The following OR2AP1 variants were observed in gnomAD, a reference collection of about 807,000 sequenced individuals.
The protein encoded by OR2AP1 is olfactory receptor 2AP1.
OR2AP1 carries 20 observed loss-of-function variants against 13.9 expected under a neutral mutation model. The observed-to-expected ratio is 1.44, with a 90% confidence interval of 1.01 to 2.09. The LOEUF (loss-of-function observed/expected upper bound fraction) is 2.09, where lower values mean the gene tolerates loss of function less well. Ranked by LOEUF, OR2AP1 falls within the 30% of genes most tolerant of loss-of-function variation. The probability of loss-of-function intolerance (pLI) is 0.00; values close to 1 mark genes in which losing one functional copy is unlikely to be tolerated. For missense variants in OR2AP1, 490 were observed against 360.6 expected (o/e 1.36, Z -2.91); for synonymous variants, 174 against 137.0 (o/e 1.27, Z -1.89).
At position 55,575,105 on chromosome 12, in the gene OR2AP1, C is replaced by A. The variant is rs763147289; in HGVS notation, c.691C>A (p.Gln231Lys). 6 of 1,583,438 alleles carry A rather than the reference C, an allele frequency of 3.8e-6. No homozygotes were observed. Among genetic ancestry groups the A allele is most frequent in the African/African-American group, 2.7e-5 (2 of 74,340 alleles). Residue 231 changes from glutamine to lysine, a missense_variant, in exon 2 of 2, where the codon CAA becomes AAA. Gln to Lys is a moderately conservative substitution (Grantham distance 53). Coordinates refer to ENST00000641114, the MANE Select transcript of OR2AP1 (RefSeq NM_001258285.2). ...KTILKLPSAQQRTKAFSTCSS... is the reference protein window; with the variant it reads ...KTILKLPSAQKRTKAFSTCSS... Reference sequence around the variant, plus strand: ...TATTCTGAAGCTCCCCTCTGCCCAACAAAGGACAAAAGCCTTTTCCACATG... The same window carrying A: ...TATTCTGAAGCTCCCCTCTGCCCAAAAAAGGACAAAAGCCTTTTCCACATG...
chr12:55,575,460 A>G lies in OR2AP1; in HGVS notation c.*116A>G. On this transcript the variant is annotated 3_prime_UTR_variant, in exon 2 of 2. Transcript: ENST00000641114. ...AAAATATGGCACATATACACCATGG[A>G]ATACTATGCAGCCATTAAAAATGAT... 1.7e-6 allele frequency: 1 copy of G among 602,532 alleles called. No homozygotes were observed. The highest frequency in any genetic ancestry group is 2.9e-6 in the Non-Finnish European group (1 of 344,502). The allele number at this position is 602,532 out of a possible 1,614,324, so 37.3% of individuals were successfully genotyped here. A position where few individuals can be genotyped will look rare whatever the true frequency, so the allele number is the denominator to read the frequency against.
chr12:55,574,033 G>A (rs1182095558), intron 1 of OR2AP1, among the ~76,000 whole-genome samples, 187 bp from the exon 2 acceptor site: 1 of 152,182 alleles, frequency 6.6e-6, no homozygotes, highest in Non-Finnish European at 1.5e-5. Flanking sequence ...GGATCAATGA[G>A]AAATAAAGTT....
Position 55,574,332 on chromosome 12 carries a change from C to A in OR2AP1, c.-83C>A. On this transcript the variant is annotated 5_prime_UTR_variant, in exon 2 of 2. Coordinates refer to ENST00000641114, the MANE Select transcript of OR2AP1 (RefSeq NM_001258285.2). ...TCATTTTTTTCTTGTCAGACTTCAT[C>A]CGTTCATTTCAGAGCACCTCTTCCT... 1 of 690,782 alleles carries A rather than the reference C, an allele frequency of 1.4e-6. No homozygotes were observed. Among genetic ancestry groups the A allele is most frequent in the Non-Finnish European group, 2.4e-6 (1 of 416,624 alleles). The allele number at this position is 690,782 out of a possible 1,614,324, so 42.8% of individuals were successfully genotyped here.
In OR2AP1 at chr12:55,574,683, T is replaced by C. The variant is rs1874511289; in HGVS notation, c.269T>C (p.Ile90Thr). The change falls in exon 2 of 2, where the codon ATC (isoleucine) becomes ACC (threonine). Residue 90 changes from isoleucine (I) to threonine (T), a missense_variant. Ile to Thr is a moderately conservative substitution (Grantham distance 89). Coordinates refer to ENST00000641114, the MANE Select transcript of OR2AP1 (RefSeq NM_001258285.2). ...LISITTGNKS[I>T]SFAGCFTQYF... ...AGCATCACAACAGGGAACAAGAGTA[T>C]CAGCTTTGCTGGCTGCTTCACTCAG... 6 of 1,553,116 alleles carry C rather than the reference T, an allele frequency of 3.9e-6. No homozygotes were observed. Among genetic ancestry groups the C allele is most frequent in the Non-Finnish European group, 5.2e-6 (6 of 1,150,576 alleles).
Position 55,575,146 on chromosome 12 carries a change from T to C in OR2AP1, c.732T>C (p.Ile244=). 6.2e-7 allele frequency: 1 copy of C among 1,601,714 alleles called. No individual in the cohort carries two copies. The highest frequency in any genetic ancestry group is 2.2e-5 in the East Asian group (1 of 44,716). ...KAFSTCSSHM[I]VISLSYGSCM... is the part of the protein sequence containing the mutation. The stretch of plus-strand genomic sequence containing the variant: ...TTTCCACATGTTCTTCCCACATGAT[T>C]GTCATCTCCCTCTCTTACGGAAGCT... Residue 244 remains isoleucine, a synonymous_variant, in exon 2 of 2, where the codon ATT becomes ATC. Coordinates refer to ENST00000641114, the MANE Select transcript of OR2AP1 (RefSeq NM_001258285.2).
Position 55,574,221 on chromosome 12 carries a change from G to T in OR2AP1, c.-194G>T. The T allele has an allele frequency of 1.8e-6, 1 of 569,220 alleles. No homozygotes were observed. Among genetic ancestry groups the T allele is most frequent in the Non-Finnish European group, 3.1e-6 (1 of 323,554 alleles). The allele number at this position is 569,220 out of a possible 1,614,324, so 35.3% of individuals were successfully genotyped here. A position where few individuals can be genotyped will look rare whatever the true frequency, so the allele number is the denominator to read the frequency against. ...AATGACAAGAACTTTCCTCCATAGG[G>T]CAAATGGGACTGGGAAGGATCCAAC... is the stretch of plus-strand genomic sequence containing the variant. On this transcript the variant is annotated splice_region_variant and 5_prime_UTR_variant, in exon 2 of 2. Transcript: ENST00000641114.
In OR2AP1 at chr12:55,575,068, C is replaced by A. The variant is rs960091922; in HGVS notation, c.654C>A (p.Phe218Leu). The A allele has an allele frequency of 1.9e-6, 3 of 1,549,222 alleles. No homozygotes were observed. Among genetic ancestry groups the A allele is most frequent in the Non-Finnish European group, 2.6e-6 (3 of 1,152,284 alleles). Reference protein sequence around the residue: ...TLVLVILSYAFIIKTILKLPS... With the variant: ...TLVLVILSYALIIKTILKLPS... ...TGCTAGTGATTCTCTCCTATGCATTCATTATCAAGACTATTCTGAAGCTCC... is the reference window on the plus strand; with the variant it reads ...TGCTAGTGATTCTCTCCTATGCATTAATTATCAAGACTATTCTGAAGCTCC... Residue 218 changes from phenylalanine (F) to leucine (L), a missense_variant, in exon 2 of 2, where the codon TTC (phenylalanine) becomes TTA (leucine). Coordinates refer to ENST00000641114, the MANE Select transcript of OR2AP1 (RefSeq NM_001258285.2).
chr12:55,573,956 G>A (rs907160292), intron 1 of OR2AP1, among the ~76,000 whole-genome samples: 4 of 152,076 alleles, frequency 2.6e-5, no homozygotes, highest in African/African-American at 9.7e-5. Context: ...AAAAAAGGTA[G>A]GGAAGAGTAA....
Position 55,575,424 on chromosome 12 carries a change from A to G in OR2AP1, c.*80A>G, listed in dbSNP as rs574276074. 1.1e-4 allele frequency: 78 copies of G among 740,784 alleles called. No homozygotes were observed. Among genetic ancestry groups the G allele is most frequent in the South Asian group, 1.0e-3 (53 of 52,248 alleles). 45.9% of individuals were successfully genotyped at this position (740,784 alleles called of 1,614,324 possible). ...CAACCCAAATGTCCAACAATGATAG[A>G]CTGGATTAAGAAAATATGGCACATA... On this transcript the variant is annotated 3_prime_UTR_variant, in exon 2 of 2. Coordinates refer to ENST00000641114, the MANE Select transcript of OR2AP1 (RefSeq NM_001258285.2).
intron 1 of OR2AP1, among the ~76,000 whole-genome samples, chr12:55,573,904 G>A (rs11171570): frequency 0.052 from 7,892 of 151,928 alleles, 255 homozygotes; most frequent in South Asian, 0.11. Flanking sequence ...AATTAAGGAA[G>A]CTGAACCTGA....
In OR2AP1 at chr12:55,574,507, T is replaced by G. The variant is rs1028353169; in HGVS notation, c.93T>G (p.Leu31=). 2.0e-6 allele frequency: 3 copies of G among 1,536,888 alleles called. No individual in the cohort carries two copies. The highest frequency in any genetic ancestry group is 2.6e-6 in the Non-Finnish European group (3 of 1,146,656). Residue 31 remains leucine, a synonymous_variant, in exon 2 of 2, where the codon CTT becomes CTG. Transcript: ENST00000641114. ...TGGCAGTTTTCACCTTTCTTTTCCTTGCGTATTTACTCAGCATCCTTGGAA... is the reference window on the plus strand; with the variant it reads ...TGGCAGTTTTCACCTTTCTTTTCCTGGCGTATTTACTCAGCATCCTTGGAA... ...LQVAVFTFLF[L]AYLLSILGNL...
Position 55,574,737 on chromosome 12 carries a change from CAG to C in OR2AP1, c.326_327del (p.Glu109ValfsTer10). 6.3e-7 allele frequency: 1 copy of C among 1,587,044 alleles called. No individual in the cohort carries two copies. The highest frequency in any genetic ancestry group is 8.6e-7 in the Non-Finnish European group (1 of 1,165,792). ...TTCTTTGCCATGTTCCTTGGGGCTA[CAG>C]AGTTTTACCTTCTGGCTGCCATGTC... On this transcript the variant is annotated frameshift_variant, in exon 2 of 2. Transcript: ENST00000641114. LOFTEE classifies it high-confidence loss of function.
In OR2AP1 at chr12:55,575,582, C is replaced by G. The variant is rs1046395928; in HGVS notation, c.*238C>G. 2 of 332,550 alleles carry G rather than the reference C, an allele frequency of 6.0e-6. No individual in the cohort carries two copies. The highest frequency in any genetic ancestry group is 1.1e-5 in the Non-Finnish European group (2 of 175,318). 20.6% of individuals were successfully genotyped at this position (332,550 alleles called of 1,614,324 possible). On this transcript the variant is annotated 3_prime_UTR_variant, in exon 2 of 2. Transcript: ENST00000641114. ...AAAAACCGAACACCACATATTCTCA[C>G]TCATAGGTGGGAACTGAACAATGAG...
In OR2AP1 at chr12:55,575,354, G is replaced by T. The variant is rs1278568069; in HGVS notation, c.*10G>T. The T allele has an allele frequency of 9.7e-6, 14 of 1,439,634 alleles. No individual in the cohort carries two copies. Among genetic ancestry groups the T allele is most frequent in the Non-Finnish European group, 1.2e-5 (13 of 1,076,992 alleles). 89.2% of individuals were successfully genotyped at this position (1,439,634 alleles called of 1,614,324 possible). ...GCTTCTGAATCTTTAAAGAATTTAAGAATTATGCATCGCGACATTATTCAC... is the reference window on the plus strand; with the variant it reads ...GCTTCTGAATCTTTAAAGAATTTAATAATTATGCATCGCGACATTATTCAC... On this transcript the variant is annotated 3_prime_UTR_variant, in exon 2 of 2. Coordinates refer to ENST00000641114, the MANE Select transcript of OR2AP1 (RefSeq NM_001258285.2).
At chr12:55,573,600 T>C (rs1014556294) in intron 1 of OR2AP1, among the ~76,000 whole-genome samples, 1 of 152,186 alleles carries the variant, frequency 6.6e-6, no homozygotes, top group African/African-American at 2.4e-5. Flanking sequence ...AGATCCCTGG[T>C]TTAAAAGTTC....
At chr12:55,573,706 G>A (rs917049886) in intron 1 of OR2AP1, among the ~76,000 whole-genome samples, 4 of 152,168 alleles carry the variant, frequency 2.6e-5, no homozygotes, top group Non-Finnish European at 4.4e-5. Context: ...TAAAGATTCT[G>A]AATGTGTTTG....
At chr12:55,573,308 AGCT>A (rs768060017) in intron 1 of OR2AP1, among the ~76,000 whole-genome samples, 17 of 152,170 alleles carry the variant, frequency 1.1e-4, no homozygotes, top group Non-Finnish European at 1.9e-4. Context: ...AATGCTTTAA[AGCT>A]GCTGCCTTAT....
Position 55,575,564 on chromosome 12 carries a change from G to A in OR2AP1, c.*220G>A, listed in dbSNP as rs895175515. On this transcript the variant is annotated 3_prime_UTR_variant, in exon 2 of 2. Coordinates refer to ENST00000641114, the MANE Select transcript of OR2AP1 (RefSeq NM_001258285.2). Reference sequence around the variant, plus strand: ...TAAACTATCACAAGAACAAAAAACCGAACACCACATATTCTCACTCATAGG... The same window carrying A: ...TAAACTATCACAAGAACAAAAAACCAAACACCACATATTCTCACTCATAGG... 4 of 358,652 alleles carry A rather than the reference G, an allele frequency of 1.1e-5. No individual in the cohort carries two copies. Among genetic ancestry groups the A allele is most frequent in the Admixed American group, 4.3e-5 (1 of 23,138 alleles). 22.2% of individuals were successfully genotyped at this position (358,652 alleles called of 1,614,324 possible). A position where few individuals can be genotyped will look rare whatever the true frequency, so the allele number is the denominator to read the frequency against.
Position 55,575,392 on chromosome 12 carries a change from T to G in OR2AP1, c.*48T>G. On this transcript the variant is annotated 3_prime_UTR_variant, in exon 2 of 2. Transcript: ENST00000641114. ...CGACATTATTCACAATAGCAAAGAC[T>G]TGGAACCAACCCAAATGTCCAACAA... 8.9e-7 allele frequency: 1 copy of G among 1,117,948 alleles called. No homozygotes were observed. The allele number at this position is 1,117,948 out of a possible 1,614,324, so 69.3% of individuals were successfully genotyped here. A position where few individuals can be genotyped will look rare whatever the true frequency, so the allele number is the denominator to read the frequency against.
Sources: gnomAD v4.1 joint callset for allele counts (sites outside exome capture counted in the v4.1 genomes callset) on GRCh38, gnomAD v4.1.1 for gene constraint, MANE v1.5 for transcripts, NCBI Gene and HGNC (gene_info 2026-07-23, HGNC 2026-07-21) for gene names.